DCAF7: variants seen among roughly 807,000 people sequenced by gnomAD.
DCAF7 encodes the protein DDB1 and CUL4 associated factor 7.
In DCAF7, 4 loss-of-function variants were observed where a neutral mutation model predicts 41.2. The ratio of observed to expected loss-of-function variants is 0.10; its 90% confidence interval spans 0.05 to 0.22. DCAF7 has a LOEUF of 0.22. DCAF7 is among the 10% of genes least tolerant of loss of function. The pLI, the probability that DCAF7 is intolerant of heterozygous loss-of-function variation, is 1.00. For missense variants in DCAF7, 131 were observed against 443.2 expected (o/e 0.30, Z 6.32); for synonymous variants, 143 against 164.2 (o/e 0.87, Z 0.99).
Position 63,559,363 on chromosome 17 carries a change from GTA to G in DCAF7, c.138+8558_138+8559del, listed in dbSNP as rs1278030042. 1.8e-3 allele frequency among the ~76,000 whole-genome samples: 166 copies of G among 94,226 alleles called. 1 individual carries two copies. Among genetic ancestry groups the G allele is most frequent in the African/African-American group, 6.3e-3 (128 of 20,326 alleles). The allele number at this position is 94,226 out of a possible 152,430, so 61.8% of individuals were successfully genotyped here. A position where few individuals can be genotyped will look rare whatever the true frequency, so the allele number is the denominator to read the frequency against. ...CATATATATACGTATATATATGTATGTATATATATATGTGTATATATATGTAT... is the reference window on the plus strand; with the variant it reads ...CATATATATACGTATATATATGTATGTATATATATGTGTATATATATGTAT... On this transcript the variant is annotated intron_variant, in intron 1 of 6. Coordinates refer to ENST00000614556, the MANE Select transcript of DCAF7 (RefSeq NM_005828.5).
intron 5 of DCAF7, 126 bp downstream of exon 5, chr17:63,583,837 T>C: frequency 1.1e-6 from 1 of 947,800 alleles, no homozygotes. Flanking sequence ...TCTGGAGGCA[T>C]TTTTGATTGT....
intron 4 of DCAF7, among the ~76,000 whole-genome samples, chr17:63,583,294 T>A (rs1479744270): frequency 6.6e-6 from 1 of 152,204 alleles, no homozygotes; most frequent in African/African-American, 2.4e-5. Context: ...AGCCAGCCAA[T>A]TTCTATAGCA....
At chr17:63,586,484 G>A (rs982463332) in intron 6 of DCAF7, among the ~76,000 whole-genome samples, 2 of 152,040 alleles carry the variant, frequency 1.3e-5, no homozygotes, top group African/African-American at 4.8e-5. Context: ...AGAAAAGAAA[G>A]GCTGGGTGCA....
Position 63,594,111 on chromosome 17 carries a change from G to C in DCAF7, c.*4939G>C, listed in dbSNP as rs1167596216. ...ATCTCCATTGAAGGCTACTTCATGG[G>C]CACCTGAAAGTGGAGTGTTATAGCT... On this transcript the variant is annotated 3_prime_UTR_variant, in exon 7 of 7. Transcript: ENST00000614556. The C allele has an allele frequency of 6.6e-6, 1 of 152,604 alleles. No individual in the cohort carries two copies. Among genetic ancestry groups the C allele is most frequent in the Non-Finnish European group, 1.5e-5 (1 of 68,038 alleles). The allele number at this position is 152,604 out of a possible 1,614,324, so 9.5% of individuals were successfully genotyped here. A position where few individuals can be genotyped will look rare whatever the true frequency, so the allele number is the denominator to read the frequency against.
rs765481363 is a variant in DCAF7, at chr17:63,585,273, A to G, written c.801A>G (p.Ala267=). The part of the protein sequence containing the change: ...TPVARLNNHR[A]CVNGIAWAPH... Reference sequence around the variant, plus strand: ...TCGCCAGGTTAAACAACCATCGAGCATGTGTCAATGGCATTGCTTGGGCCC... The same window carrying G: ...TCGCCAGGTTAAACAACCATCGAGCGTGTGTCAATGGCATTGCTTGGGCCC... The change falls in exon 6 of 7, where the codon GCA becomes GCG. Residue 267 remains alanine (A), a synonymous_variant. Transcript: ENST00000614556. The G allele has an allele frequency of 1.7e-5, 27 of 1,613,878 alleles. No homozygotes were observed. The highest frequency in any genetic ancestry group is 1.6e-4 in the Middle Eastern group (1 of 6,084).
In DCAF7 at chr17:63,591,511, C is replaced by T. The variant is rs921823402; in HGVS notation, c.*2339C>T. On this transcript the variant is annotated 3_prime_UTR_variant, in exon 7 of 7. Transcript: ENST00000614556. ...TCTTCCCCTGAATGCCACCGGGGACCCAGGGGGACTCCACCCCCCTAAGCA... is the reference window on the plus strand; with the variant it reads ...TCTTCCCCTGAATGCCACCGGGGACTCAGGGGGACTCCACCCCCCTAAGCA... 2 of 152,142 alleles carry T rather than the reference C, an allele frequency of 1.3e-5. No homozygotes were observed. Among genetic ancestry groups the T allele is most frequent in the African/African-American group, 4.8e-5 (2 of 41,400 alleles). 9.4% of individuals were successfully genotyped at this position (152,142 alleles called of 1,614,324 possible). A position where few individuals can be genotyped will look rare whatever the true frequency, so the allele number is the denominator to read the frequency against.
intron 1 of DCAF7, among the ~76,000 whole-genome samples, chr17:63,576,761 G>T (rs2033566810): frequency 6.6e-6 from 1 of 151,754 alleles, no homozygotes; most frequent in African/African-American, 2.4e-5. Flanking sequence ...AAAAAATTTA[G>T]AAATTAGCTG....
intron 1 of DCAF7, among the ~76,000 whole-genome samples, chr17:63,556,966 T>G (rs2033318024): frequency 6.6e-6 from 1 of 152,158 alleles, no homozygotes; most frequent in Non-Finnish European, 1.5e-5. Context: ...AGGTCAAGGC[T>G]GCAGTGAGCC....
At chr17:63,578,705 C>T (rs991994364) in intron 2 of DCAF7, 77 bp downstream of exon 2, 8 of 1,589,770 alleles carry the variant, frequency 5.0e-6, no homozygotes, top group Admixed American at 3.4e-5. Flanking sequence ...AGTCACAGAA[C>T]AGACAGGGGT....
chr17:63,562,822 CTT>C (rs72028555), intron 1 of DCAF7, among the ~76,000 whole-genome samples: 5 of 141,534 alleles, frequency 3.5e-5, no homozygotes, highest in African/African-American at 5.2e-5. Context: ...AAAATATTTT[CTT>C]TTTTTTTTTT....
At chr17:63,559,832 A>G (rs2033361870) in intron 1 of DCAF7, among the ~76,000 whole-genome samples, 1 of 152,136 alleles carries the variant, frequency 6.6e-6, no homozygotes, top group Non-Finnish European at 1.5e-5. Flanking sequence ...CCAGAATTCC[A>G]GATAAATGGA....
rs534933002 is a variant in DCAF7 at position 63,570,447 on chromosome 17, G to A, written c.139-8023G>A. Among the ~76,000 whole-genome samples, 5 of 151,256 alleles carry A rather than the reference G, an allele frequency of 3.3e-5. No individual in the cohort carries two copies. The East Asian group carries it at 7.8e-4, about 24-fold the overall frequency. ...CCAGCCTGGGCAACAGTGAGACTCC[G>A]TCTCAAAAAAAAAGAAAAAAAAAGA... On this transcript the variant is annotated intron_variant, in intron 1 of 6. Transcript: ENST00000614556.
At chr17:63,583,347 T>G (rs959781072) in intron 4 of DCAF7, among the ~76,000 whole-genome samples, 155 bp from the exon 5 acceptor site, 2 of 152,216 alleles carry the variant, frequency 1.3e-5, no homozygotes, top group Non-Finnish European at 2.9e-5. Flanking sequence ...ATTAGAGCTC[T>G]CGGGTTTCAG....
chr17:63,588,411 G>T lies in DCAF7; in HGVS notation c.857-589G>T, dbSNP rs1048779056. ...GGGGTTTCACCATGTTGTCCAGGCT[G>T]GTCTTGAACTCCTGACCTCAGGTGA... On this transcript the variant is annotated intron_variant, in intron 6 of 6. Coordinates refer to ENST00000614556, the MANE Select transcript of DCAF7 (RefSeq NM_005828.5). Among the ~76,000 whole-genome samples, 3 of 150,606 alleles carry T rather than the reference G, an allele frequency of 2.0e-5. No individual in the cohort carries two copies. In the East Asian group the frequency reaches 5.8e-4, roughly 29 times the overall value.
At chr17:63,581,699 T>C (rs1367946697) in intron 4 of DCAF7, among the ~76,000 whole-genome samples, 2 of 152,200 alleles carry the variant, frequency 1.3e-5, no homozygotes, top group Admixed American at 6.5e-5. Context: ...AGGCCAGGAA[T>C]GGATCTTGAC....
rs2033749922 is a variant in DCAF7 at position 63,592,990 on chromosome 17, A to T, written c.*3818A>T. 6.6e-6 allele frequency: 1 copy of T among 152,278 alleles called. No homozygotes were observed. The highest frequency in any genetic ancestry group is 1.5e-5 in the Non-Finnish European group (1 of 68,148). The allele number at this position is 152,278 out of a possible 1,614,324, so 9.4% of individuals were successfully genotyped here. On this transcript the variant is annotated 3_prime_UTR_variant, in exon 7 of 7. Transcript: ENST00000614556. Reference sequence around the variant, plus strand: ...CCTTGAATTCCTGGGCTGTGAAGACATGTAGCAGCTGCAGGGTTTACCACA... The same window carrying T: ...CCTTGAATTCCTGGGCTGTGAAGACTTGTAGCAGCTGCAGGGTTTACCACA...
intron 1 of DCAF7, among the ~76,000 whole-genome samples, chr17:63,572,041 G>A (rs2033512830): frequency 6.6e-6 from 1 of 152,104 alleles, no homozygotes; most frequent in Non-Finnish European, 1.5e-5. Flanking sequence ...CTTTCATGAG[G>A]CACTATGGGA....
intron 1 of DCAF7, among the ~76,000 whole-genome samples, chr17:63,559,410 TATATATATAC>T (rs1462631688): frequency 0.042 from 4,070 of 95,796 alleles, 410 homozygotes; most frequent in African/African-American, 0.19. Flanking sequence ...TATATATATG[TATATATATAC>T]GTATATATAT....
chr17:63,587,421 C>T (rs1456630547), intron 6 of DCAF7, among the ~76,000 whole-genome samples: 2 of 151,992 alleles, frequency 1.3e-5, no homozygotes, highest in East Asian at 1.9e-4. Flanking sequence ...GGACTGGCCC[C>T]GTAGAAGCCC....
Sources: gnomAD v4.1 joint callset for allele counts (sites outside exome capture counted in the v4.1 genomes callset) on GRCh38, gnomAD v4.1.1 for gene constraint, MANE v1.5 for transcripts, NCBI Gene and HGNC (gene_info 2026-07-23, HGNC 2026-07-21) for gene names.